Variants in KCTD20 observed in about 807,000 individuals in gnomAD.
KCTD20 encodes BTB/POZ domain-containing protein KCTD20.
A neutral mutation model predicts 39.6 loss-of-function variants in KCTD20; 30 were observed. That is an observed-to-expected ratio of 0.76 (90% CI 0.57 to 1.03). The LOEUF (loss-of-function observed/expected upper bound fraction) is 1.03, where lower values mean the gene tolerates loss of function less well. Among genes scored for constraint, KCTD20 ranks in the 50% least tolerant of loss-of-function variants. The pLI is 0.00. For synonymous variants in KCTD20, 162 were observed against 180.6 expected, an observed-to-expected ratio of 0.90 and a Z score of 0.83; for missense variants, 422 against 522.0, an observed-to-expected ratio of 0.81 and a Z score of 1.87.
At position 36,479,235 on chromosome 6, in the gene KCTD20, C is replaced by T. The variant is rs371374824; in HGVS notation, c.537+12C>T. The T allele has an allele frequency of 2.5e-6, 4 of 1,584,002 alleles. No homozygotes were observed. The highest frequency in any genetic ancestry group is 1.1e-5 in the South Asian group (1 of 89,164). On this transcript the variant is annotated intron_variant, in intron 4 of 7. Transcript: ENST00000373731. ...TTCGCACAGTGCTGGTGTGTGGTAGCCTTTTTTGTTACATTCTCTTCCTCA... is the reference window on the plus strand; with the variant it reads ...TTCGCACAGTGCTGGTGTGTGGTAGTCTTTTTTGTTACATTCTCTTCCTCA...
At chr6:36,454,794 T>A (rs1775381061) in intron 1 of KCTD20, among the ~76,000 whole-genome samples, 1 of 151,940 alleles carries the variant, frequency 6.6e-6, no homozygotes, top group South Asian at 2.1e-4. Context: ...CCCACCTGCC[T>A]GTAGTCATGC....
chr6:36,465,260 C>T (rs1775712026), intron 1 of KCTD20, among the ~76,000 whole-genome samples: 1 of 146,790 alleles, frequency 6.8e-6, no homozygotes, highest in Admixed American at 6.8e-5. Flanking sequence ...CGTACCACTG[C>T]ACTCCAGCCT....
At chr6:36,454,352 T>TG (rs1205118623) in intron 1 of KCTD20, among the ~76,000 whole-genome samples, 4 of 151,910 alleles carry the variant, frequency 2.6e-5, no homozygotes, top group Non-Finnish European at 5.9e-5. Context: ...TGGCTCTTTT[T>TG]TTTTTTTGAG....
chr6:36,444,826 A>G (rs1774989818), intron 1 of KCTD20, among the ~76,000 whole-genome samples: 1 of 152,220 alleles, frequency 6.6e-6, no homozygotes, highest in African/African-American at 2.4e-5. Flanking sequence ...ACTGCTGCCA[A>G]AAGGTTCTCT....
rs111803425 is a variant in KCTD20, at chr6:36,478,537, T to C, written c.435-584T>C. Among the ~76,000 whole-genome samples, 196 of 152,260 alleles carry C rather than the reference T, an allele frequency of 1.3e-3. 1 individual carries two copies. Among genetic ancestry groups the C allele is most frequent in the Non-Finnish European group, 2.3e-3 (154 of 68,026 alleles). On this transcript the variant is annotated intron_variant, in intron 3 of 7. Coordinates refer to ENST00000373731, the MANE Select transcript of KCTD20 (RefSeq NM_173562.5). ...AAATCCCATCATTAATTATTCTTTG[T>C]ATTGAGTAAGGCCATTTTTCCCCCA...
intron 1 of KCTD20, among the ~76,000 whole-genome samples, chr6:36,455,724 A>AG (rs1296188545): frequency 6.6e-6 from 1 of 152,174 alleles, no homozygotes; most frequent in Non-Finnish European, 1.5e-5. Context: ...TGCAGCCAGG[A>AG]GGGACAGGCA....
At chr6:36,470,531 G>A (rs914628419) in intron 2 of KCTD20, among the ~76,000 whole-genome samples, 3 of 152,132 alleles carry the variant, frequency 2.0e-5, no homozygotes, top group African/African-American at 7.2e-5. Context: ...TAGCTCAGCT[G>A]CTTATTAGTT....
Position 36,490,648 on chromosome 6 carries a change from G to C in KCTD20, c.*3473G>C, listed in dbSNP as rs1776560258. On this transcript the variant is annotated 3_prime_UTR_variant, in exon 8 of 8. Transcript: ENST00000373731. The stretch of plus-strand genomic sequence containing the variant: ...GGATCACTTGAGGTCAGGAGTTTCA[G>C]ACTGGCCTGGGCAACGTAAAAAATT... 6.6e-6 allele frequency: 1 copy of C among 152,446 alleles called. No individual in the cohort carries two copies. Among genetic ancestry groups the C allele is most frequent in the South Asian group, 2.1e-4 (1 of 4,826 alleles). The allele number at this position is 152,446 out of a possible 1,614,324, so 9.4% of individuals were successfully genotyped here. A position where few individuals can be genotyped will look rare whatever the true frequency, so the allele number is the denominator to read the frequency against.
intron 1 of KCTD20, among the ~76,000 whole-genome samples, chr6:36,463,976 A>C (rs1775671556): frequency 6.6e-6 from 1 of 152,238 alleles, no homozygotes; most frequent in Admixed American, 6.5e-5. Flanking sequence ...TTACATATTC[A>C]GGAAATACAT....
At chr6:36,486,779 T>G in intron 7 of KCTD20, 104 bp from the exon 8 acceptor site, 1 of 900,660 alleles carries the variant, frequency 1.1e-6, no homozygotes, top group Non-Finnish European at 1.8e-6. Context: ...ATATTTTCCA[T>G]GCTGTGATTT....
rs1274739017 is a variant in KCTD20 at position 36,479,142 on chromosome 6, G to A, written c.456G>A (p.Glu152=). Residue 152 remains glutamate, a synonymous_variant, in exon 4 of 8, where the codon GAG becomes GAA. Transcript: ENST00000373731. ...MLGRMFGPGR[E]YNFTRPNEKG... ...TCAGGATGTTTGGACCAGGAAGAGAGTACAACTTCACTCGGCCCAATGAGA... is the reference window on the plus strand; with the variant it reads ...TCAGGATGTTTGGACCAGGAAGAGAATACAACTTCACTCGGCCCAATGAGA... The A allele has an allele frequency of 2.5e-6, 4 of 1,613,088 alleles. No homozygotes were observed. The highest frequency in any genetic ancestry group is 1.1e-5 in the South Asian group (1 of 91,042).
chr6:36,459,126 A>G (rs1377265339), intron 1 of KCTD20, among the ~76,000 whole-genome samples: 1 of 152,184 alleles, frequency 6.6e-6, no homozygotes, highest in Non-Finnish European at 1.5e-5. Flanking sequence ...AGCCTGGCCA[A>G]CGTGGTGAAA....
intron 1 of KCTD20, among the ~76,000 whole-genome samples, chr6:36,463,949 G>A (rs1775670698): frequency 6.6e-6 from 1 of 151,960 alleles, no homozygotes; most frequent in Admixed American, 6.6e-5. Flanking sequence ...CTTCAACTTC[G>A]GAACCATGTA....
At chr6:36,483,263 C>T (rs67546991) in intron 6 of KCTD20, among the ~76,000 whole-genome samples, 1,557 of 76,528 alleles carry the variant, frequency 0.02, 59 homozygotes, top group East Asian at 0.036. Flanking sequence ...GTGGCTTTTT[C>T]TTTTTTTTTT....
At chr6:36,480,255 C>G (rs550376762) in intron 5 of KCTD20, among the ~76,000 whole-genome samples, 2 of 152,208 alleles carry the variant, frequency 1.3e-5, no homozygotes, top group Admixed American at 6.5e-5. Flanking sequence ...CTAAATGGAG[C>G]CTGACCAGTG....
chr6:36,481,198 T>C (rs761423358), intron 5 of KCTD20, among the ~76,000 whole-genome samples: 4 of 152,218 alleles, frequency 2.6e-5, no homozygotes, highest in African/African-American at 4.8e-5. Flanking sequence ...TCTATTATGG[T>C]ACTCTAACTC....
intron 1 of KCTD20, among the ~76,000 whole-genome samples, chr6:36,447,088 A>C (rs1775071172): frequency 6.6e-6 from 1 of 152,176 alleles, no homozygotes; most frequent in African/African-American, 2.4e-5. Context: ...AGAGTGTCCT[A>C]GTTATATTTC....
chr6:36,462,783 A>G (rs9348997), intron 1 of KCTD20, among the ~76,000 whole-genome samples: 86,640 of 152,118 alleles, frequency 0.57, 26,371 homozygotes, highest in Middle Eastern at 0.74. Flanking sequence ...TCAGCCCACT[A>G]AGATACTTAC....
At chr6:36,463,740 C>G (rs1775665207) in intron 1 of KCTD20, among the ~76,000 whole-genome samples, 1 of 152,168 alleles carries the variant, frequency 6.6e-6, no homozygotes, top group Non-Finnish European at 1.5e-5. Context: ...GCACCCTAAT[C>G]TTGCTTGGAT....
Sources: gnomAD v4.1 joint callset for allele counts (sites outside exome capture counted in the v4.1 genomes callset) on GRCh38, gnomAD v4.1.1 for gene constraint, MANE v1.5 for transcripts, NCBI Gene and HGNC (gene_info 2026-07-23, HGNC 2026-07-21) for gene names.